PHLPP1: variants seen among roughly 807,000 people sequenced by gnomAD.
The protein encoded by PHLPP1 is PH domain leucine-rich repeat-containing protein phosphatase 1.
PHLPP1 carries 42 observed loss-of-function variants against 117.2 expected under a neutral mutation model. That is an observed-to-expected ratio of 0.36 (90% CI 0.28 to 0.46). The LOEUF is 0.46. Among genes scored for constraint, PHLPP1 ranks in the 20% least tolerant of loss-of-function variants. The pLI is 1.00. For synonymous variants in PHLPP1, 1,042 were observed against 970.7 expected (o/e 1.07, Z -1.37); for missense variants, 2,084 against 2,241.9 (o/e 0.93, Z 1.42).
intron 3 of PHLPP1, among the ~76,000 whole-genome samples, chr18:62,845,066 G>C (rs753983344): frequency 2.0e-5 from 3 of 151,678 alleles, no homozygotes; most frequent in Non-Finnish European, 4.4e-5. Context: ...AAAGGAAAAG[G>C]CACAGCATGA....
chr18:62,866,256 T>C (rs1029955313), intron 4 of PHLPP1, among the ~76,000 whole-genome samples: 2 of 151,996 alleles, frequency 1.3e-5, no homozygotes, highest in Middle Eastern at 3.4e-3. Context: ...TTTGTTTTTT[T>C]TTTTTTGGAG....
intron 3 of PHLPP1, among the ~76,000 whole-genome samples, 191 bp from the exon 4 acceptor site, chr18:62,860,244 G>A (rs1405206886): frequency 6.6e-6 from 1 of 152,184 alleles, no homozygotes; most frequent in Non-Finnish European, 1.5e-5. Flanking sequence ...TGGGACTGCT[G>A]TGTGTGGTAC....
rs1339856911 is a variant in PHLPP1, at chr18:62,888,332, TGTATG to T, written c.2067-6678_2067-6674del. Among the ~76,000 whole-genome samples the T allele has an allele frequency of 3.5e-4, 45 of 130,158 alleles. 2 individuals carry two copies. The highest frequency in any genetic ancestry group is 2.2e-3 in the East Asian group (11 of 5,022). 85.4% of individuals were successfully genotyped at this position (130,158 alleles called of 152,430 possible). ...GTGTGTGTGTGTGTGTGTGTGTGTGTGTATGTTTTTTTTTTCTTTTTAAAACCAGT... is the reference window on the plus strand; with the variant it reads ...GTGTGTGTGTGTGTGTGTGTGTGTGTTTTTTTTTTTCTTTTTAAAACCAGT... On this transcript the variant is annotated intron_variant, in intron 4 of 16. Coordinates refer to ENST00000262719, the MANE Select transcript of PHLPP1 (RefSeq NM_194449.4).
chr18:62,838,873 C>T lies in PHLPP1; in HGVS notation c.1863C>T (p.Phe621=), dbSNP rs1240840827. Reference sequence around the variant, plus strand: ...CTTACTACATTTGCTTTGATACTTTCACAGAATACTTAAGGTGGCTGCGAC... The same window carrying T: ...CTTACTACATTTGCTTTGATACTTTTACAGAATACTTAAGGTGGCTGCGAC... ...SQTYYICFDT[F]TEYLRWLRQV... The change falls in exon 3 of 17, where the codon TTC becomes TTT. Residue 621 remains phenylalanine, a synonymous_variant. Transcript: ENST00000262719. The T allele has an allele frequency of 2.5e-6, 4 of 1,613,734 alleles. No individual in the cohort carries two copies. Among genetic ancestry groups the T allele is most frequent in the Non-Finnish European group, 2.5e-6 (3 of 1,179,806 alleles).
At chr18:62,947,651 C>T (rs1486448123) in intron 12 of PHLPP1, among the ~76,000 whole-genome samples, 2 of 152,308 alleles carry the variant, frequency 1.3e-5, no homozygotes, top group South Asian at 2.1e-4. Flanking sequence ...GTGTCTGTAT[C>T]TGTCTTTTAA....
intron 3 of PHLPP1, among the ~76,000 whole-genome samples, chr18:62,858,776 C>A (rs893284721): frequency 6.6e-6 from 1 of 151,940 alleles, no homozygotes; most frequent in South Asian, 2.1e-4. Context: ...ACTTTATTAT[C>A]TAAAAATATT....
At chr18:62,962,044 G>A (rs189058976) in intron 13 of PHLPP1, among the ~76,000 whole-genome samples, 41 of 152,206 alleles carry the variant, frequency 2.7e-4, no homozygotes, top group African/African-American at 9.9e-4. Context: ...TAATTCTTGT[G>A]GTCATGACCA....
intron 3 of PHLPP1, among the ~76,000 whole-genome samples, chr18:62,845,047 G>A (rs889680060): frequency 8.5e-5 from 13 of 152,164 alleles, no homozygotes; most frequent in Admixed American, 8.5e-4. Context: ...CAGTTCTCTT[G>A]TGTAGGGAAA....
chr18:62,855,975 T>C (rs1374854599), intron 3 of PHLPP1, among the ~76,000 whole-genome samples: 1 of 152,042 alleles, frequency 6.6e-6, no homozygotes, highest in Non-Finnish European at 1.5e-5. Context: ...AATAGAAAAA[T>C]CCTTTCCTTT....
At position 62,916,605 on chromosome 18, in the gene PHLPP1, G is replaced by GGTGTGTGTGTGTGTGTGTGTGT. The variant is rs71340133; in HGVS notation, c.2804+1602_2804+1623dup. ...AGCCATCACCATTAACAAGAGGGTG[G>GGTGTGTGTGTGTGTGTGTGTGT]GTGTGTGTGTGTGTGTGTGTGTGTG... On this transcript the variant is annotated intron_variant, in intron 9 of 16. Coordinates refer to ENST00000262719, the MANE Select transcript of PHLPP1 (RefSeq NM_194449.4). Among the ~76,000 whole-genome samples, 106 of 145,844 alleles carry GGTGTGTGTGTGTGTGTGTGTGT rather than the reference G, an allele frequency of 7.3e-4. 1 individual carries two copies. Among genetic ancestry groups the GGTGTGTGTGTGTGTGTGTGTGT allele is most frequent in the African/African-American group, 2.5e-3 (99 of 39,632 alleles).
intron 1 of PHLPP1, among the ~76,000 whole-genome samples, chr18:62,735,483 C>T (rs574533369): frequency 6.0e-4 from 91 of 152,102 alleles, no homozygotes; most frequent in Non-Finnish European, 1.1e-3. Context: ...CCTGAATTGG[C>T]TTGTAGCCAT....
chr18:62,975,299 T>C, intron 15 of PHLPP1, 98 bp from the exon 16 acceptor site: 1 of 777,504 alleles, frequency 1.3e-6, no homozygotes, highest in Non-Finnish European at 2.2e-6. Flanking sequence ...AGCTGTCTCC[T>C]TCCTGGCCCT....
chr18:62,912,634 T>G (rs574104444), intron 8 of PHLPP1, among the ~76,000 whole-genome samples: 1 of 152,294 alleles, frequency 6.6e-6, no homozygotes, highest in South Asian at 2.1e-4. Context: ...TTTTTTGTTT[T>G]TTTGAGATGG....
At chr18:62,921,389 T>C (rs1824931372) in intron 10 of PHLPP1, among the ~76,000 whole-genome samples, 1 of 152,276 alleles carries the variant, frequency 6.6e-6, no homozygotes, top group East Asian at 1.9e-4. Context: ...TGTCATATTA[T>C]GTGGGTGAAA....
intron 4 of PHLPP1, among the ~76,000 whole-genome samples, chr18:62,888,047 G>T (rs1414888589): frequency 6.6e-6 from 1 of 152,044 alleles, no homozygotes; most frequent in South Asian, 2.1e-4. Flanking sequence ...AAAGCCACAG[G>T]TTTCTTGTCA....
chr18:62,829,901 A>G (rs984844955), intron 1 of PHLPP1, 134 bp from the exon 2 acceptor site: 2 of 585,758 alleles, frequency 3.4e-6, no homozygotes, highest in Non-Finnish European at 5.7e-6. Flanking sequence ...TGTCATCTCA[A>G]TTATAAATTA....
intron 4 of PHLPP1, among the ~76,000 whole-genome samples, chr18:62,870,576 A>G (rs1168461562): frequency 6.6e-6 from 1 of 152,196 alleles, no homozygotes; most frequent in Non-Finnish European, 1.5e-5. Context: ...GTTTTTACCT[A>G]AGTTTCAAGG....
chr18:62,718,687 A>G (rs1444045699), intron 1 of PHLPP1, among the ~76,000 whole-genome samples: 1 of 152,200 alleles, frequency 6.6e-6, no homozygotes, highest in Non-Finnish European at 1.5e-5. Flanking sequence ...CAACAACTGT[A>G]TTCTTTTCTC....
At chr18:62,874,878 A>G (rs959813876) in intron 4 of PHLPP1, among the ~76,000 whole-genome samples, 1 of 152,194 alleles carries the variant, frequency 6.6e-6, no homozygotes, top group Non-Finnish European at 1.5e-5. Flanking sequence ...CCTCATTAAC[A>G]TTATAGCTAA....
Sources: gnomAD v4.1 joint callset for allele counts (sites outside exome capture counted in the v4.1 genomes callset) on GRCh38, gnomAD v4.1.1 for gene constraint, MANE v1.5 for transcripts, NCBI Gene and HGNC (gene_info 2026-07-23, HGNC 2026-07-21) for gene names.